The following XNDC1N variants were observed in gnomAD, a reference collection of about 807,000 sequenced individuals.
XNDC1N encodes XRCC1 N-terminal domain containing 1, N-terminal like.
the XNDC1N span, among the ~76,000 whole-genome samples, chr11:71,867,326 A>T: frequency 1.3e-5 from 2 of 152,222 alleles, no homozygotes; most frequent in African/African-American, 4.8e-5. Flanking sequence ...ATCCATGGAT[A>T]AAATGTCTTT....
chr11:71,925,231 T>C, the XNDC1N span, among the ~76,000 whole-genome samples: 22 of 152,174 alleles, frequency 1.4e-4, no homozygotes, highest in African/African-American at 5.3e-4. Context: ...CCTTGACAAA[T>C]TGTAAGCTCT....
chr11:71,889,902 C>G, the XNDC1N span, among the ~76,000 whole-genome samples: 1 of 152,082 alleles, frequency 6.6e-6, no homozygotes, highest in East Asian at 1.9e-4. Flanking sequence ...GTGAAGTAAC[C>G]CCTGTGCTTC....
the XNDC1N span, among the ~76,000 whole-genome samples, chr11:71,904,962 A>G: frequency 2.0e-5 from 3 of 152,092 alleles, no homozygotes; most frequent in Admixed American, 2.0e-4. Context: ...GTGTGACATT[A>G]GGAGTAACAT....
the XNDC1N span, among the ~76,000 whole-genome samples, chr11:71,925,227 C>G: frequency 6.6e-6 from 1 of 152,024 alleles, no homozygotes; most frequent in African/African-American, 2.4e-5. Context: ...TGTCCCTTGA[C>G]AAATTGTAAG....
At chr11:71,887,227 G>T in the XNDC1N span, among the ~76,000 whole-genome samples, 1 of 152,168 alleles carries the variant, frequency 6.6e-6, no homozygotes, top group African/African-American at 2.4e-5. Flanking sequence ...GACTATTGAC[G>T]TCATCGGAGC....
chr11:71,904,422 G>A, the XNDC1N span, among the ~76,000 whole-genome samples: 4 of 151,960 alleles, frequency 2.6e-5, no homozygotes, highest in Admixed American at 2.6e-4. Context: ...ACACACACCG[G>A]GTACACACAC....
At chr11:71,906,307 T>C in the XNDC1N span, among the ~76,000 whole-genome samples, 1 of 151,840 alleles carries the variant, frequency 6.6e-6, no homozygotes. Context: ...TATCACAGGG[T>C]GTACACCCCT....
the XNDC1N span, among the ~76,000 whole-genome samples, chr11:71,902,084 G>T: frequency 6.6e-6 from 1 of 152,064 alleles, no homozygotes; most frequent in African/African-American, 2.4e-5. Flanking sequence ...ATCGTGCTTG[G>T]CACATAGGAG....
At chr11:71,883,677 T>C in the XNDC1N span, among the ~76,000 whole-genome samples, 1 of 152,204 alleles carries the variant, frequency 6.6e-6, no homozygotes, top group Non-Finnish European at 1.5e-5. Flanking sequence ...ATGATGTTGG[T>C]CATGGCAAAT....
chr11:71,895,298 G>A, the XNDC1N span, among the ~76,000 whole-genome samples: 5 of 151,618 alleles, frequency 3.3e-5, no homozygotes, highest in African/African-American at 9.7e-5. Flanking sequence ...TTACCATTTC[G>A]CATTTTCTAT....
At chr11:71,890,828 G>T in the XNDC1N span, among the ~76,000 whole-genome samples, 1 of 151,972 alleles carries the variant, frequency 6.6e-6, no homozygotes, top group Non-Finnish European at 1.5e-5. Flanking sequence ...TATCAGGAAG[G>T]GATGTACAGA....
At chr11:71,891,734 G>A in the XNDC1N span, among the ~76,000 whole-genome samples, 346 of 152,060 alleles carry the variant, frequency 2.3e-3, no homozygotes, top group Non-Finnish European at 4.1e-3. Context: ...ACAAAAAAGG[G>A]TGTACAACCC....
At chr11:71,893,545 G>C in the XNDC1N span, 1 of 900,030 alleles carries the variant, frequency 1.1e-6, no homozygotes, top group South Asian at 1.3e-5. Flanking sequence ...GCCGCTCCTC[G>C]CTTTGCTGTC....
chr11:71,870,606 T>C, the XNDC1N span, among the ~76,000 whole-genome samples: 1 of 152,146 alleles, frequency 6.6e-6, no homozygotes, highest in Non-Finnish European at 1.5e-5. Flanking sequence ...GTCTACAGAT[T>C]GGGAGAAAAT....
the XNDC1N span, among the ~76,000 whole-genome samples, chr11:71,880,506 G>A: frequency 9.2e-5 from 14 of 152,042 alleles, no homozygotes; most frequent in Non-Finnish European, 1.6e-4. Flanking sequence ...TTTAAATCTC[G>A]AATTCACTTA....
the XNDC1N span, chr11:71,903,384 C>T: frequency 2.8e-6 from 4 of 1,431,252 alleles, no homozygotes; most frequent in Non-Finnish European, 3.9e-6. Flanking sequence ...TCCTCTCCAA[C>T]CTGTCCTTGC....
the XNDC1N span, among the ~76,000 whole-genome samples, chr11:71,911,593 G>GAAC: frequency 6.6e-6 from 1 of 152,160 alleles, no homozygotes; most frequent in Non-Finnish European, 1.5e-5. Context: ...TGGGGCCTTA[G>GAAC]AACTCAGTGA....
chr11:71,900,462 GGGA>G, the XNDC1N span, among the ~76,000 whole-genome samples: 2 of 152,010 alleles, frequency 1.3e-5, no homozygotes, highest in African/African-American at 4.8e-5. Flanking sequence ...GTGGACAGAT[GGGA>G]GGAGACCAAT....
chr11:71,893,541 C>G, the XNDC1N span: 1 of 881,136 alleles, frequency 1.1e-6, no homozygotes, highest in Non-Finnish European at 1.9e-6. Flanking sequence ...TGCAGCCGCT[C>G]CTCGCTTTGC....
Sources: allele counts gnomAD v4.1 joint callset (sites outside exome capture counted in the v4.1 genomes callset), GRCh38; gene constraint gnomAD v4.1.1; transcripts MANE v1.5; gene names NCBI Gene and HGNC (gene_info 2026-07-23, HGNC 2026-07-21).